The following LMBR1 variants were observed in gnomAD, a reference collection of about 807,000 sequenced individuals.
The protein encoded by LMBR1 is limb development membrane protein 1.
Under a neutral mutation model 73.9 loss-of-function variants are expected in LMBR1, and 52 were observed. The ratio of observed to expected loss-of-function variants is 0.70; its 90% CI spans 0.56 to 0.89. LMBR1 has a LOEUF of 0.89. Among genes scored for constraint, LMBR1 ranks in the 40% least tolerant of loss-of-function variants. The pLI is 0.00. For missense variants in LMBR1, 539 were observed against 579.8 expected, an observed-to-expected ratio of 0.93 and a Z score of 0.72; for synonymous variants, 215 against 209.4, an observed-to-expected ratio of 1.03 and a Z score of -0.23.
chr7:156,761,828 T>C (rs6957287), intron 8 of LMBR1, among the ~76,000 whole-genome samples: 9,771 of 151,850 alleles, frequency 0.064, 360 homozygotes, highest in East Asian at 0.15. Context: ...TACAAAAAAA[T>C]TAGCCGGGCA....
At chr7:156,854,456 A>C (rs1796671712) in intron 1 of LMBR1, among the ~76,000 whole-genome samples, 1 of 152,230 alleles carries the variant, frequency 6.6e-6, no homozygotes, top group Non-Finnish European at 1.5e-5. Context: ...ATAATAAAAA[A>C]ATAAAATCCC....
intron 15 of LMBR1, among the ~76,000 whole-genome samples, chr7:156,706,997 A>G (rs1446105965): frequency 6.6e-6 from 1 of 152,064 alleles, no homozygotes; most frequent in Non-Finnish European, 1.5e-5. Flanking sequence ...TTGCTAGAGT[A>G]ACAAGGGAAA....
chr7:156,786,542 A>G (rs1008134099), intron 5 of LMBR1, among the ~76,000 whole-genome samples: 5 of 152,214 alleles, frequency 3.3e-5, no homozygotes, highest in Non-Finnish European at 7.3e-5. Context: ...TGCAAAACTC[A>G]AGGACAAAGT....
chr7:156,815,554 T>C (rs147165043), intron 4 of LMBR1, among the ~76,000 whole-genome samples: 2 of 152,142 alleles, frequency 1.3e-5, no homozygotes, highest in East Asian at 1.9e-4. Flanking sequence ...AACTCAAAAT[T>C]CCCCACATCC....
intron 1 of LMBR1, among the ~76,000 whole-genome samples, chr7:156,846,020 C>G (rs1186118159): frequency 6.6e-6 from 1 of 151,820 alleles, no homozygotes; most frequent in Non-Finnish European, 1.5e-5. Flanking sequence ...CCTAGCTACT[C>G]AAGAGGCTGA....
chr7:156,763,602 AGTGT>A (rs1172153773), intron 6 of LMBR1, 63 bp downstream of exon 6: 1 of 1,331,772 alleles, frequency 7.5e-7, no homozygotes, highest in African/African-American at 1.5e-5. Flanking sequence ...TTTAAAATTG[AGTGT>A]GTAATTATAT....
intron 15 of LMBR1, among the ~76,000 whole-genome samples, chr7:156,695,737 A>G (rs550659510): frequency 3.9e-5 from 6 of 152,218 alleles, no homozygotes; most frequent in Admixed American, 2.6e-4. Context: ...GATCCAAACC[A>G]TATCACATGC....
chr7:156,807,514 A>G (rs917614559), intron 4 of LMBR1, among the ~76,000 whole-genome samples: 7 of 152,108 alleles, frequency 4.6e-5, no homozygotes, highest in Admixed American at 2.6e-4. Context: ...ATCACTGTTC[A>G]ATATGTAGTG....
intron 4 of LMBR1, among the ~76,000 whole-genome samples, chr7:156,804,638 C>T (rs1006727517): frequency 1.8e-4 from 28 of 152,116 alleles, no homozygotes; most frequent in African/African-American, 6.5e-4. Flanking sequence ...TATTTGCCAT[C>T]TATTCATGTC....
intron 1 of LMBR1, among the ~76,000 whole-genome samples, 163 bp downstream of exon 1, chr7:156,892,765 G>A (rs1421664981): frequency 1.3e-4 from 17 of 131,408 alleles, no homozygotes; most frequent in Non-Finnish European, 2.5e-4. Context: ...GAAGGGGAGG[G>A]GAGGGGAGAG....
chr7:156,781,252 T>C (rs916321359), intron 5 of LMBR1, among the ~76,000 whole-genome samples: 6 of 152,212 alleles, frequency 3.9e-5, no homozygotes, highest in Non-Finnish European at 7.3e-5. Context: ...ATCATATTGC[T>C]TATGTGGCAA....
intron 15 of LMBR1, among the ~76,000 whole-genome samples, chr7:156,694,128 C>T (rs1807796137): frequency 6.6e-6 from 1 of 152,008 alleles, no homozygotes; most frequent in African/African-American, 2.4e-5. Flanking sequence ...CTCAACAAAA[C>T]AGGTAAAGAA....
At chr7:156,887,908 A>G (rs893633933) in intron 1 of LMBR1, among the ~76,000 whole-genome samples, 2 of 152,244 alleles carry the variant, frequency 1.3e-5, no homozygotes, top group African/African-American at 4.8e-5. Flanking sequence ...AGCACATGAA[A>G]CAATGCTGAA....
At chr7:156,698,228 T>G (rs934936462) in intron 15 of LMBR1, among the ~76,000 whole-genome samples, 1 of 152,228 alleles carries the variant, frequency 6.6e-6, no homozygotes, top group African/African-American at 2.4e-5. Flanking sequence ...CCTGTGGCTT[T>G]GCAGGGTACA....
chr7:156,818,948 T>C (rs1018448685), intron 4 of LMBR1, among the ~76,000 whole-genome samples: 1 of 152,218 alleles, frequency 6.6e-6, no homozygotes, highest in Non-Finnish European at 1.5e-5. Flanking sequence ...TGGCATGTCA[T>C]GGACCCACAC....
At chr7:156,791,056 T>C (rs1038286980) in intron 5 of LMBR1, among the ~76,000 whole-genome samples, 1 of 152,230 alleles carries the variant, frequency 6.6e-6, no homozygotes, top group Non-Finnish European at 1.5e-5. Context: ...ATTAATAAAT[T>C]GCTCTATGAT....
chr7:156,808,150 T>C (rs1309527552), intron 4 of LMBR1, among the ~76,000 whole-genome samples: 2 of 152,194 alleles, frequency 1.3e-5, no homozygotes, highest in Non-Finnish European at 2.9e-5. Context: ...TATTCAAATC[T>C]TCTATATCGT....
At chr7:156,851,297 T>C (rs1050289694) in intron 1 of LMBR1, among the ~76,000 whole-genome samples, 1 of 152,224 alleles carries the variant, frequency 6.6e-6, no homozygotes, top group African/African-American at 2.4e-5. Flanking sequence ...TGCTGATACC[T>C]ACTCTTCTCA....
chr7:156,671,560 C>T (rs147268654), intron 4 of LMBR1, among the ~76,000 whole-genome samples: 4 of 152,060 alleles, frequency 2.6e-5, no homozygotes, highest in African/African-American at 7.2e-5. Flanking sequence ...CAGATGTCAT[C>T]ATAGGTCGAG....
Sources: gnomAD v4.1 joint callset for allele counts (sites outside exome capture counted in the v4.1 genomes callset) on GRCh38, gnomAD v4.1.1 for gene constraint, MANE v1.5 for transcripts, NCBI Gene and HGNC (gene_info 2026-07-23, HGNC 2026-07-21) for gene names.